LPAR1: variants seen among roughly 807,000 people sequenced by gnomAD.
The protein encoded by LPAR1 is LPA receptor 1.
In LPAR1, 5 loss-of-function variants were observed where a neutral mutation model predicts 23.8. That is an observed-to-expected ratio of 0.21 (90% CI 0.11 to 0.44). LPAR1 has a LOEUF of 0.44. LPAR1 is among the 20% of genes least tolerant of loss of function. The pLI is 0.99. For synonymous variants in LPAR1, 160 were observed against 164.7 expected (o/e 0.97, Z 0.22); for missense variants, 311 against 482.8 (o/e 0.64, Z 3.33).
chr9:110,986,640 A>G (rs2096787655), intron 2 of LPAR1, among the ~76,000 whole-genome samples: 1 of 151,862 alleles, frequency 6.6e-6, no homozygotes, highest in Non-Finnish European at 1.5e-5. Flanking sequence ...GAATATATGA[A>G]GTGAAGGGAA....
intron 4 of LPAR1, among the ~76,000 whole-genome samples, chr9:110,959,116 G>A (rs2095859558): frequency 9.0e-6 from 1 of 111,584 alleles, no homozygotes; most frequent in Non-Finnish European, 1.7e-5. Context: ...GTGTTGGTGG[G>A]AATGTAAATT....
At chr9:110,888,594 G>A (rs2083086126) in intron 5 of LPAR1, among the ~76,000 whole-genome samples, 1 of 151,452 alleles carries the variant, frequency 6.6e-6, no homozygotes, top group Non-Finnish European at 1.5e-5. Context: ...TGCCTTCATT[G>A]AGTTTAGGTT....
chr9:110,911,315 GGCAGGTGGATT>G (rs2092398221), intron 5 of LPAR1, among the ~76,000 whole-genome samples: 1 of 152,114 alleles, frequency 6.6e-6, no homozygotes, highest in African/African-American at 2.4e-5. Flanking sequence ...GAGAGACCAA[GGCAGGTGGATT>G]GCTTGAGCCC....
intron 2 of LPAR1, among the ~76,000 whole-genome samples, chr9:110,983,261 A>G (rs1338810439): frequency 1.3e-5 from 2 of 152,134 alleles, no homozygotes; most frequent in East Asian, 3.9e-4. Flanking sequence ...AAGCAACCCA[A>G]GTTTTCAACA....
At chr9:110,878,804 G>A (rs1304449041) in intron 5 of LPAR1, among the ~76,000 whole-genome samples, 1 of 152,176 alleles carries the variant, frequency 6.6e-6, no homozygotes, top group Non-Finnish European at 1.5e-5. Context: ...AGGGCAGAAT[G>A]TGAAAATGTG....
chr9:110,925,048 G>A (rs1439600259), intron 5 of LPAR1, among the ~76,000 whole-genome samples: 9 of 152,086 alleles, frequency 5.9e-5, no homozygotes, highest in Non-Finnish European at 1.0e-4. Context: ...ATATTTGTAA[G>A]TGAATAGGGA....
At chr9:110,879,272 G>T (rs1360969419) in intron 5 of LPAR1, among the ~76,000 whole-genome samples, 1 of 151,970 alleles carries the variant, frequency 6.6e-6, no homozygotes, top group East Asian at 1.9e-4. Context: ...ACAAAAATTA[G>T]CCAGGCGTGG....
At chr9:110,985,891 C>A (rs76190162) in intron 2 of LPAR1, among the ~76,000 whole-genome samples, 2,611 of 152,020 alleles carry the variant, frequency 0.017, 80 homozygotes, top group African/African-American at 0.059. Flanking sequence ...CAGGAAAGGC[C>A]TGGAACTACA....
chr9:110,966,577 C>T (rs1423228468), intron 4 of LPAR1, among the ~76,000 whole-genome samples: 1 of 151,416 alleles, frequency 6.6e-6, no homozygotes, highest in Non-Finnish European at 1.5e-5. Context: ...GCATGTTCTG[C>T]ACATGTATCC....
intron 2 of LPAR1, among the ~76,000 whole-genome samples, chr9:110,997,135 G>T (rs1223972936): frequency 6.6e-6 from 1 of 152,186 alleles, no homozygotes; most frequent in African/African-American, 2.4e-5. Context: ...TTGTGTCTAT[G>T]AAAGGAAGGA....
rs1354845147 is a variant in LPAR1 at position 110,972,194 on chromosome 9, G to A, written c.-77C>T. ...AATTTTCTTGTTTGCTGATCAGATC[G>A]AAGTCATGCTAGGAGAAGCTGTGTA... is the stretch of plus-strand genomic sequence containing the variant. On this transcript the variant is annotated 5_prime_UTR_variant, in exon 4 of 6. Coordinates refer to ENST00000683809, the MANE Select transcript of LPAR1 (RefSeq NM_001351411.2). 2.7e-5 allele frequency: 35 copies of A among 1,318,296 alleles called. No individual in the cohort carries two copies. Among genetic ancestry groups the A allele is most frequent in the Non-Finnish European group, 3.6e-5 (33 of 912,402 alleles). 81.7% of individuals were successfully genotyped at this position (1,318,296 alleles called of 1,614,324 possible).
At chr9:111,021,155 T>C (rs723591) in intron 2 of LPAR1, among the ~76,000 whole-genome samples, 82,015 of 152,024 alleles carry the variant, frequency 0.54, 22,233 homozygotes, top group East Asian at 0.64. Context: ...AAAGGGAAGA[T>C]GCTGGTCAAA....
At chr9:111,013,987 T>C (rs905388398) in intron 2 of LPAR1, among the ~76,000 whole-genome samples, 2 of 152,140 alleles carry the variant, frequency 1.3e-5, no homozygotes, top group African/African-American at 4.8e-5. Flanking sequence ...CTGTTTGTGC[T>C]CATACACATT....
intron 2 of LPAR1, among the ~76,000 whole-genome samples, chr9:111,019,927 G>A (rs1052597599): frequency 6.6e-6 from 1 of 152,176 alleles, no homozygotes; most frequent in African/African-American, 2.4e-5. Flanking sequence ...TGTAATACAG[G>A]GTGCCAGCAT....
intron 4 of LPAR1, among the ~76,000 whole-genome samples, chr9:110,961,990 A>C (rs987142598): frequency 2.6e-5 from 4 of 152,186 alleles, no homozygotes; most frequent in African/African-American, 9.7e-5. Flanking sequence ...AGTAAATACC[A>C]TGGTGTAACT....
intron 4 of LPAR1, among the ~76,000 whole-genome samples, chr9:110,956,424 A>G (rs2095754662): frequency 6.6e-6 from 1 of 152,026 alleles, no homozygotes; most frequent in Non-Finnish European, 1.5e-5. Flanking sequence ...TAGGGAATAA[A>G]AGTTAATATT....
chr9:110,964,904 C>T (rs2096151200), intron 4 of LPAR1, among the ~76,000 whole-genome samples: 1 of 130,868 alleles, frequency 7.6e-6, no homozygotes, highest in Non-Finnish European at 1.6e-5. Context: ...CACTGTTTCA[C>T]CTAGGCTGGA....
chr9:110,903,107 G>T (rs192208425), intron 5 of LPAR1, among the ~76,000 whole-genome samples: 99 of 152,172 alleles, frequency 6.5e-4, no homozygotes, highest in African/African-American at 2.1e-3. Context: ...CAAATTCCAG[G>T]ATAGAATGAA....
chr9:110,935,000 C>T (rs538201382), intron 5 of LPAR1, among the ~76,000 whole-genome samples: 1 of 152,116 alleles, frequency 6.6e-6, no homozygotes, highest in African/African-American at 2.4e-5. Flanking sequence ...AATGTACAAG[C>T]GATTCAGTTT....
Sources: gnomAD v4.1 joint callset for allele counts (sites outside exome capture counted in the v4.1 genomes callset) on GRCh38, gnomAD v4.1.1 for gene constraint, MANE v1.5 for transcripts, NCBI Gene and HGNC (gene_info 2026-07-23, HGNC 2026-07-21) for gene names.